The following FGF12 variants were observed in gnomAD, a reference collection of about 807,000 sequenced individuals.
FGF12 encodes the protein fibroblast growth factor 12.
A neutral mutation model predicts 23.6 loss-of-function variants in FGF12; 14 were observed. The observed-to-expected ratio is 0.59, with a 90% CI of 0.39 to 0.93. FGF12 has a LOEUF of 0.93. Among genes scored for constraint, FGF12 ranks in the 40% least tolerant of loss-of-function variants. The pLI is 0.00. For missense variants in FGF12, 175 were observed against 217.8 expected (o/e 0.80, Z 1.24); for synonymous variants, 62 against 77.3 (o/e 0.80, Z 1.04).
At chr3:192,362,881 C>T (rs1718796290) in intron 2 of FGF12, among the ~76,000 whole-genome samples, 1 of 152,080 alleles carries the variant, frequency 6.6e-6, no homozygotes, top group Admixed American at 6.6e-5. Flanking sequence ...CTTGTAAAGC[C>T]ACTAAAGTAA....
At chr3:192,326,436 C>T (rs752487772) in intron 4 of FGF12, among the ~76,000 whole-genome samples, 13 of 152,120 alleles carry the variant, frequency 8.5e-5, no homozygotes, top group African/African-American at 2.7e-4. Flanking sequence ...TTACCAATAG[C>T]GGCCCTTTCA....
intron 2 of FGF12, among the ~76,000 whole-genome samples, chr3:192,382,406 T>TA (rs767297649): frequency 1.3e-5 from 2 of 152,152 alleles, no homozygotes; most frequent in South Asian, 2.1e-4. Flanking sequence ...GAACTTCAAA[T>TA]ATATAGCCAT....
intron 4 of FGF12, among the ~76,000 whole-genome samples, chr3:192,249,565 C>T (rs1290264328): frequency 6.6e-6 from 1 of 151,880 alleles, no homozygotes; most frequent in Non-Finnish European, 1.5e-5. Context: ...CACGTAGAAT[C>T]AGGGTCTTAA....
intron 2 of FGF12, chr3:192,726,826 C>G: frequency 3.3e-6 from 1 of 299,208 alleles, no homozygotes. Flanking sequence ...AATTCTAAAG[C>G]AAATGAAATA....
At chr3:192,149,064 A>C (rs543722843) in intron 5 of FGF12, among the ~76,000 whole-genome samples, 1 of 152,200 alleles carries the variant, frequency 6.6e-6, no homozygotes, top group Non-Finnish European at 1.5e-5. Context: ...CGTGAACATC[A>C]TATATATCAG....
chr3:192,375,210 A>C (rs1182696706), intron 2 of FGF12, among the ~76,000 whole-genome samples: 2 of 152,172 alleles, frequency 1.3e-5, no homozygotes, highest in African/African-American at 4.8e-5. Context: ...GATGGCTATA[A>C]TCATTTTGCT....
intron 4 of FGF12, among the ~76,000 whole-genome samples, chr3:192,220,575 T>C (rs1718416019): frequency 6.6e-6 from 1 of 152,160 alleles, no homozygotes; most frequent in African/African-American, 2.4e-5. Flanking sequence ...TAGGTTTTTA[T>C]TCCGCCTCTC....
intron 2 of FGF12, among the ~76,000 whole-genome samples, chr3:192,437,744 A>G (rs1160780238): frequency 1.3e-5 from 2 of 152,014 alleles, no homozygotes; most frequent in Non-Finnish European, 2.9e-5. Flanking sequence ...TGAGCAAATT[A>G]CTTGCTAGTA....
At chr3:192,394,905 T>C (rs1720454508) in intron 2 of FGF12, among the ~76,000 whole-genome samples, 1 of 152,146 alleles carries the variant, frequency 6.6e-6, no homozygotes, top group Admixed American at 6.6e-5. Flanking sequence ...TTAAACCCAA[T>C]CGATACTGTA....
At chr3:192,632,769 C>G (rs1280866295) in intron 2 of FGF12, among the ~76,000 whole-genome samples, 1 of 152,140 alleles carries the variant, frequency 6.6e-6, no homozygotes, top group African/African-American at 2.4e-5. Context: ...CTAGGGTCAT[C>G]ATAACAAAGT....
At chr3:192,404,778 C>G (rs1720895981) in intron 2 of FGF12, among the ~76,000 whole-genome samples, 1 of 152,176 alleles carries the variant, frequency 6.6e-6, no homozygotes, top group Admixed American at 6.5e-5. Flanking sequence ...GTCTAAGGGG[C>G]CCATTAACCC....
intron 4 of FGF12, among the ~76,000 whole-genome samples, chr3:192,183,787 C>T (rs979003795): frequency 1.2e-4 from 18 of 152,138 alleles, no homozygotes; most frequent in African/African-American, 3.6e-4. Flanking sequence ...GGAATTAACC[C>T]GATCAAGACC....
chr3:192,700,462 T>G (rs1718255441), intron 2 of FGF12, among the ~76,000 whole-genome samples: 1 of 152,184 alleles, frequency 6.6e-6, no homozygotes, highest in South Asian at 2.1e-4. Flanking sequence ...TACATTTCAT[T>G]TTTAAAGATT....
At chr3:192,242,222 T>C (rs1269440382) in intron 4 of FGF12, among the ~76,000 whole-genome samples, 1 of 152,154 alleles carries the variant, frequency 6.6e-6, no homozygotes, top group African/African-American at 2.4e-5. Flanking sequence ...GTAGGTTCTT[T>C]GAAAAAATAT....
chr3:192,678,004 C>G (rs1342594902), intron 2 of FGF12, among the ~76,000 whole-genome samples: 2 of 152,216 alleles, frequency 1.3e-5, no homozygotes. Flanking sequence ...TAAAGCTACT[C>G]TATCATAAGT....
At chr3:192,281,809 C>T (rs940929305) in intron 4 of FGF12, among the ~76,000 whole-genome samples, 2 of 152,130 alleles carry the variant, frequency 1.3e-5, no homozygotes, top group Admixed American at 6.6e-5. Flanking sequence ...CCCTATAGCC[C>T]TTATGCAATC....
chr3:192,588,653 G>T (rs1337746114), intron 2 of FGF12, among the ~76,000 whole-genome samples: 1 of 151,864 alleles, frequency 6.6e-6, no homozygotes, highest in Admixed American at 6.6e-5. Context: ...GGATACCAGG[G>T]TTATTATTCC....
intron 4 of FGF12, among the ~76,000 whole-genome samples, chr3:192,256,078 A>G (rs143029966): frequency 3.9e-4 from 59 of 152,166 alleles, no homozygotes; most frequent in African/African-American, 1.4e-3. Context: ...GCTTCACGCC[A>G]AAGAAGAGTG....
intron 4 of FGF12, among the ~76,000 whole-genome samples, chr3:192,274,688 T>G (rs1161172052): frequency 6.6e-6 from 1 of 152,190 alleles, no homozygotes; most frequent in Non-Finnish European, 1.5e-5. Flanking sequence ...AATATGTGAA[T>G]ACTTTAAGGA....
Sources: allele counts gnomAD v4.1 joint callset (sites outside exome capture counted in the v4.1 genomes callset), GRCh38; gene constraint gnomAD v4.1.1; transcripts MANE v1.5; gene names NCBI Gene and HGNC (gene_info 2026-07-23, HGNC 2026-07-21).